The following ASIC2 variants were observed in gnomAD, a reference collection of about 807,000 sequenced individuals.
ASIC2 encodes acid sensing ion channel subunit 2.
In ASIC2, 25 loss-of-function variants were observed where a neutral mutation model predicts 57.3. The ratio of observed to expected loss-of-function variants is 0.44; its 90% CI spans 0.32 to 0.61. ASIC2 has a LOEUF of 0.61. Ranked by LOEUF, ASIC2 falls within the 20% of genes least tolerant of loss-of-function variation. ASIC2 has a pLI of 0.06. For synonymous variants in ASIC2, 319 were observed against 307.5 expected (o/e 1.04, Z -0.39); for missense variants, 641 against 738.1 (o/e 0.87, Z 1.52).
chr17:33,541,318 T>G (rs1915403186), intron 1 of ASIC2: 1 of 152,180 alleles, frequency 6.6e-6, no homozygotes, highest in South Asian at 2.1e-4. Flanking sequence ...TTTGTAGCCC[T>G]GGCCCCAATC....
chr17:33,027,404 C>A (rs1396163327), intron 4 of ASIC2, among the ~76,000 whole-genome samples: 1 of 152,194 alleles, frequency 6.6e-6, no homozygotes, highest in Non-Finnish European at 1.5e-5. Flanking sequence ...CATGAAATAA[C>A]AGCTACTAAA....
At chr17:33,822,277 C>T (rs1487774323) in intron 1 of ASIC2, among the ~76,000 whole-genome samples, 1 of 152,168 alleles carries the variant, frequency 6.6e-6, no homozygotes, top group Non-Finnish European at 1.5e-5. Context: ...CCCGGGAGTC[C>T]TGCATTGGGC....
Position 33,451,060 on chromosome 17 carries a change from CTT to C in ASIC2, c.556-338995_556-338994del, listed in dbSNP as rs67646824. On this transcript the variant is annotated intron_variant, in intron 1 of 9. Transcript: ENST00000359872. ...AAAATTTGTCAGAGGCGTACATGTA[CTT>C]TTTTTTTTTTCTGAGATGGAGTCTC... Among the ~76,000 whole-genome samples the C allele has an allele frequency of 3.3e-3, 486 of 147,948 alleles. 1 individual carries two copies. Among genetic ancestry groups the C allele is most frequent in the African/African-American group, 0.012 (470 of 40,240 alleles).
intron 1 of ASIC2, among the ~76,000 whole-genome samples, chr17:34,125,668 G>C (rs1911759105): frequency 6.6e-6 from 1 of 152,168 alleles, no homozygotes; most frequent in African/African-American, 2.4e-5. Context: ...ACGATCTGTA[G>C]GAATGATTCC....
intron 1 of ASIC2, among the ~76,000 whole-genome samples, chr17:33,812,837 G>A (rs886080961): frequency 6.6e-6 from 1 of 152,194 alleles, no homozygotes; most frequent in Non-Finnish European, 1.5e-5. Flanking sequence ...CAAAGCCACT[G>A]TGCTCCTCCT....
At chr17:33,762,619 T>A (rs1910819586) in intron 1 of ASIC2, among the ~76,000 whole-genome samples, 1 of 152,188 alleles carries the variant, frequency 6.6e-6, no homozygotes, top group Admixed American at 6.5e-5. Context: ...CCATAGTCCT[T>A]ACTAAGTGGA....
At chr17:34,123,292 G>A (rs1177071731) in intron 1 of ASIC2, among the ~76,000 whole-genome samples, 1 of 152,190 alleles carries the variant, frequency 6.6e-6, no homozygotes, top group African/African-American at 2.4e-5. Flanking sequence ...ATCAAGCAGA[G>A]CTGGCACCAT....
chr17:33,805,480 C>T (rs1912243409), intron 1 of ASIC2, among the ~76,000 whole-genome samples: 3 of 152,206 alleles, frequency 2.0e-5, no homozygotes, highest in South Asian at 2.1e-4. Flanking sequence ...TCACTTCTTC[C>T]TCATAGGGAA....
chr17:33,864,433 CAG>C (rs1222850285), intron 1 of ASIC2, among the ~76,000 whole-genome samples: 2 of 152,180 alleles, frequency 1.3e-5, no homozygotes, highest in African/African-American at 4.8e-5. Flanking sequence ...GCAGGTGAAA[CAG>C]GGGCCCCGAT....
intron 1 of ASIC2, among the ~76,000 whole-genome samples, chr17:34,133,288 T>C (rs1292428730): frequency 8.5e-6 from 1 of 117,254 alleles, no homozygotes; most frequent in Non-Finnish European, 2.0e-5. Context: ...ATTTTTGTGG[T>C]GTAGGGGAAG....
chr17:33,517,940 G>A (rs1042777140), intron 1 of ASIC2, among the ~76,000 whole-genome samples: 5 of 152,212 alleles, frequency 3.3e-5, no homozygotes, highest in African/African-American at 1.2e-4. Context: ...TACACAAGGA[G>A]GAAGAACCAT....
At chr17:33,827,120 A>G (rs947176567) in intron 1 of ASIC2, among the ~76,000 whole-genome samples, 1 of 152,156 alleles carries the variant, frequency 6.6e-6, no homozygotes, top group East Asian at 1.9e-4. Flanking sequence ...AGAAGCTTAC[A>G]GAAATACTTC....
intron 1 of ASIC2, among the ~76,000 whole-genome samples, chr17:33,245,578 G>A (rs1232248372): frequency 1.3e-5 from 2 of 152,210 alleles, no homozygotes; most frequent in Admixed American, 6.5e-5. Flanking sequence ...GAGCTATGAA[G>A]GAAGCTCAGG....
At chr17:33,269,792 G>A (rs1904411869) in intron 1 of ASIC2, among the ~76,000 whole-genome samples, 1 of 115,080 alleles carries the variant, frequency 8.7e-6, no homozygotes, top group African/African-American at 3.6e-5. Flanking sequence ...TTTCTAGTTT[G>A]TGCATTTAAA....
intron 1 of ASIC2, among the ~76,000 whole-genome samples, chr17:33,668,272 CTTTTTTT>C (rs397856474): frequency 2.4e-4 from 15 of 61,388 alleles, no homozygotes; most frequent in East Asian, 4.4e-4. Context: ...ATCAAATGTT[CTTTTTTT>C]TTTTTTTTTT....
At chr17:33,283,910 C>T (rs544353330) in intron 1 of ASIC2, among the ~76,000 whole-genome samples, 21 of 152,300 alleles carry the variant, frequency 1.4e-4, no homozygotes, top group Middle Eastern at 6.8e-3. Flanking sequence ...TGATGCAGTG[C>T]GTTGACTTTG....
chr17:33,466,666 A>G (rs2202376), intron 1 of ASIC2, among the ~76,000 whole-genome samples: 121,626 of 152,032 alleles, frequency 0.8, 48,951 homozygotes, highest in African/African-American at 0.88. Context: ...CAATGGAACA[A>G]AACAGAGGCC....
intron 1 of ASIC2, among the ~76,000 whole-genome samples, chr17:33,451,805 A>G (rs1912260738): frequency 6.6e-6 from 1 of 152,170 alleles, no homozygotes; most frequent in African/African-American, 2.4e-5. Context: ...AGTTTGTTCT[A>G]TACCCCATAG....
Position 33,436,381 on chromosome 17 carries a change from T to C in ASIC2, c.556-324314A>G, listed in dbSNP as rs538007681. On this transcript the variant is annotated intron_variant, in intron 1 of 9. Coordinates refer to the ASIC2 transcript ENST00000359872. ...ACAAGATTTGTGGCTTCCTCAATTG[T>C]TTCTATAGATAAGATCACCATTACA... is the stretch of plus-strand genomic sequence containing the variant. Among the ~76,000 whole-genome samples the C allele has an allele frequency of 5.3e-5, 8 of 152,324 alleles. No individual in the cohort carries two copies. In the South Asian group the frequency reaches 1.7e-3, roughly 32 times the overall value.
Sources: allele counts gnomAD v4.1 joint callset (sites outside exome capture counted in the v4.1 genomes callset), GRCh38; gene constraint gnomAD v4.1.1; transcripts MANE v1.5; gene names NCBI Gene and HGNC (gene_info 2026-07-23, HGNC 2026-07-21).